KCNT2: variants seen among roughly 807,000 people sequenced by gnomAD.
KCNT2 encodes the protein potassium channel subfamily T member 2.
KCNT2 carries 67 observed loss-of-function variants against 153.8 expected under a neutral mutation model. The observed-to-expected ratio is 0.44, with a 90% CI of 0.36 to 0.53. The LOEUF (loss-of-function observed/expected upper bound fraction) is 0.53, where lower values mean the gene tolerates loss of function less well. KCNT2 is among the 20% of genes least tolerant of loss of function. The pLI is 0.00. For missense variants in KCNT2, 975 were observed against 1,354.8 expected (o/e 0.72, Z 4.40); for synonymous variants, 500 against 458.8 (o/e 1.09, Z -1.15).
chr1:196,469,127 GA>G, intron 5 of KCNT2, 59 bp from the exon 6 acceptor site: 3 of 916,540 alleles, frequency 3.3e-6, no homozygotes, highest in Non-Finnish European at 5.2e-6. Context: ...ATTAAAGGGG[GA>G]AAAAGACAGC....
At chr1:196,482,198 T>C (rs1332994429) in intron 4 of KCNT2, 133 bp downstream of exon 4, 2 of 633,068 alleles carry the variant, frequency 3.2e-6, no homozygotes, top group African/African-American at 2.0e-5. Context: ...AAAATGTTAG[T>C]CCAAGATGTG....
intron 26 of KCNT2, among the ~76,000 whole-genome samples, chr1:196,240,054 T>G (rs1475977687): frequency 1.3e-5 from 2 of 152,006 alleles, no homozygotes; most frequent in African/African-American, 4.8e-5. Flanking sequence ...AAAATAAACT[T>G]CTAGTGTTTA....
intron 1 of KCNT2, among the ~76,000 whole-genome samples, chr1:196,492,782 C>A (rs1444502028): frequency 6.6e-6 from 1 of 152,080 alleles, no homozygotes; most frequent in African/African-American, 2.4e-5. Flanking sequence ...CACCACCGTG[C>A]CAGATCTACT....
chr1:196,260,801 A>G (rs892172770), intron 25 of KCNT2, among the ~76,000 whole-genome samples: 3 of 151,830 alleles, frequency 2.0e-5, no homozygotes, highest in Non-Finnish European at 2.9e-5. Context: ...CTCCACAATA[A>G]AACTGCATAG....
chr1:196,382,082 A>ATTTATTTATTTATTT (rs1669542665), intron 13 of KCNT2, among the ~76,000 whole-genome samples: 2 of 143,250 alleles, frequency 1.4e-5, no homozygotes, highest in East Asian at 4.1e-4. Flanking sequence ...TGTTTAACCA[A>ATTTATTTATTTATTT]ATTTATTTAT....
At position 196,268,316 on chromosome 1, in the gene KCNT2, C is replaced by T. The variant is rs375319417; in HGVS notation, c.2911-9822G>A. Among the ~76,000 whole-genome samples the T allele has an allele frequency of 1.4e-4, 21 of 152,334 alleles. No individual in the cohort carries two copies. The South Asian group carries it at 3.3e-3, about 24-fold the overall frequency. ...CTTTACACATACATATACACCTACA[C>T]ATTTAAGACCATAATACAAGGCTCA... On this transcript the variant is annotated intron_variant, in intron 25 of 27. Coordinates refer to ENST00000294725, the MANE Select transcript of KCNT2 (RefSeq NM_198503.5).
chr1:196,272,733 G>A (rs1251784855), intron 25 of KCNT2, among the ~76,000 whole-genome samples: 1 of 151,960 alleles, frequency 6.6e-6, no homozygotes, highest in Non-Finnish European at 1.5e-5. Context: ...ATTTCACTCA[G>A]CGTAATCTTG....
intron 14 of KCNT2, among the ~76,000 whole-genome samples, chr1:196,347,334 G>C (rs573908344): frequency 2.7e-4 from 41 of 152,110 alleles, no homozygotes; most frequent in South Asian, 4.1e-4. Context: ...CTTAATTCAA[G>C]ACTGATTTTG....
intron 15 of KCNT2, 144 bp from the exon 16 acceptor site, chr1:196,340,714 T>C (rs1181688687): frequency 3.0e-5 from 18 of 594,122 alleles, no homozygotes; most frequent in Admixed American, 2.1e-4. Flanking sequence ...GAAAATAAAC[T>C]ATGTGCTTAG....
chr1:196,572,541 G>A (rs1215366642), intron 1 of KCNT2, among the ~76,000 whole-genome samples: 2 of 151,986 alleles, frequency 1.3e-5, no homozygotes, highest in African/African-American at 4.8e-5. Context: ...AACTGCATAC[G>A]TTTTGCCATT....
intron 12 of KCNT2, among the ~76,000 whole-genome samples, chr1:196,421,664 T>G (rs1206581721): frequency 1.3e-5 from 2 of 152,092 alleles, no homozygotes; most frequent in African/African-American, 4.8e-5. Context: ...ATTTTAAAAG[T>G]TTTCCAATCA....
chr1:196,457,469 A>G (rs1159388837), intron 8 of KCNT2, among the ~76,000 whole-genome samples: 2 of 144,712 alleles, frequency 1.4e-5, no homozygotes, highest in African/African-American at 5.0e-5. Flanking sequence ...GTGGTTCCAG[A>G]GTTTTGTTAT....
At chr1:196,273,961 C>G (rs1658317044) in intron 25 of KCNT2, among the ~76,000 whole-genome samples, 1 of 151,660 alleles carries the variant, frequency 6.6e-6, no homozygotes, top group East Asian at 1.9e-4. Flanking sequence ...TTGGTAGTAG[C>G]TTATAAAGCT....
intron 1 of KCNT2, among the ~76,000 whole-genome samples, chr1:196,577,921 AT>A (rs1397820450): frequency 7.2e-5 from 11 of 152,336 alleles, no homozygotes; most frequent in African/African-American, 1.9e-4. Context: ...AAGCAAAAAA[AT>A]ATAATACACT....
chr1:196,586,488 C>A (rs1662695532), intron 1 of KCNT2, among the ~76,000 whole-genome samples: 1 of 152,016 alleles, frequency 6.6e-6, no homozygotes, highest in Admixed American at 6.6e-5. Context: ...ATCTAGACAT[C>A]TCCTGCTGCT....
chr1:196,338,355 T>C (rs1056011371), intron 16 of KCNT2, among the ~76,000 whole-genome samples: 1 of 151,942 alleles, frequency 6.6e-6, no homozygotes, highest in Non-Finnish European at 1.5e-5. Context: ...GCTAGAAAAG[T>C]CAGAAAATAT....
Position 196,474,934 on chromosome 1 carries a change from C to T in KCNT2, c.384+4245G>A, listed in dbSNP as rs560846109. The stretch of plus-strand genomic sequence containing the variant: ...GGATGCTAATTCATTATCTGCTAAA[C>T]TCAACATGTACTTTAATAGTTCTAG... On this transcript the variant is annotated intron_variant, in intron 5 of 27. Coordinates refer to ENST00000294725, the MANE Select transcript of KCNT2 (RefSeq NM_198503.5). Among the ~76,000 whole-genome samples the T allele has an allele frequency of 2.6e-5, 4 of 152,234 alleles. No individual in the cohort carries two copies. In the East Asian group the frequency reaches 7.8e-4, roughly 30 times the overall value.
At position 196,228,156 on chromosome 1, in the gene KCNT2, G is replaced by A. The variant is rs1018748113; in HGVS notation, c.*68C>T. 3.8e-5 allele frequency: 31 copies of A among 811,978 alleles called. No individual in the cohort carries two copies. The highest frequency in any genetic ancestry group is 2.3e-4 in the Middle Eastern group (1 of 4,394). The allele number at this position is 811,978 out of a possible 1,614,324, so 50.3% of individuals were successfully genotyped here. On this transcript the variant is annotated 3_prime_UTR_variant, in exon 28 of 28. Transcript: ENST00000294725. ...CATATATTTCCATCTAGTTTCTTTC[G>A]TGCCAGCAAAACTTTTGTGGTTTCA...
intron 22 of KCNT2, among the ~76,000 whole-genome samples, chr1:196,295,373 T>G (rs1438183170): frequency 1.3e-5 from 2 of 152,094 alleles, no homozygotes; most frequent in African/African-American, 4.8e-5. Context: ...TATGACTTAT[T>G]ATTGTTCAAA....
Sources: allele counts gnomAD v4.1 joint callset (sites outside exome capture counted in the v4.1 genomes callset), GRCh38; gene constraint gnomAD v4.1.1; transcripts MANE v1.5; gene names NCBI Gene and HGNC (gene_info 2026-07-23, HGNC 2026-07-21).